The following LPIN1 variants were observed in gnomAD, a reference collection of about 807,000 sequenced individuals.
The protein encoded by LPIN1 is phosphatidate phosphatase LPIN1.
In LPIN1, 71 loss-of-function variants were observed where a neutral mutation model predicts 107.5. The observed-to-expected ratio is 0.66, with a 90% CI of 0.55 to 0.80. LPIN1 has a LOEUF of 0.80. LPIN1 is among the 30% of genes least tolerant of loss of function. The pLI, the probability that LPIN1 is intolerant of heterozygous loss-of-function variation, is 0.00. For missense variants in LPIN1, 1,043 were observed against 1,160.6 expected (o/e 0.90, Z 1.47); for synonymous variants, 445 against 452.6 (o/e 0.98, Z 0.21).
chr2:11,776,280 C>G, intron 6 of LPIN1, 87 bp downstream of exon 6: 1 of 775,038 alleles, frequency 1.3e-6, no homozygotes, highest in Non-Finnish European at 2.0e-6. Context: ...TACCATTAAC[C>G]AAATTACTTA....
intron 1 of LPIN1, among the ~76,000 whole-genome samples, chr2:11,729,371 T>C (rs1378435408): frequency 6.6e-6 from 1 of 152,228 alleles, no homozygotes; most frequent in African/African-American, 2.4e-5. Flanking sequence ...TAACACTTTA[T>C]GTAAAGGGGG....
At chr2:11,823,845 G>A (rs538030552) in intron 20 of LPIN1, among the ~76,000 whole-genome samples, 1 of 152,318 alleles carries the variant, frequency 6.6e-6, no homozygotes, top group Non-Finnish European at 1.5e-5. Context: ...GCATTGGGAA[G>A]CCCTGCTCTA....
At chr2:11,715,380 G>A (rs76379517) in intron 2 of LPIN1, among the ~76,000 whole-genome samples, 10 of 152,274 alleles carry the variant, frequency 6.6e-5, no homozygotes, top group East Asian at 1.9e-4. Flanking sequence ...AGCTCAGGAC[G>A]GGAGGCGCCA....
intron 3 of LPIN1, among the ~76,000 whole-genome samples, chr2:11,769,396 TTG>T (rs549478968): frequency 3.3e-5 from 5 of 151,446 alleles, no homozygotes; most frequent in African/African-American, 7.3e-5. Context: ...CTTTGCTAGT[TTG>T]TGTGTGTGTG....
intron 2 of LPIN1, among the ~76,000 whole-genome samples, chr2:11,718,880 G>C (rs1197961892): frequency 6.6e-6 from 1 of 152,192 alleles, no homozygotes; most frequent in Admixed American, 6.5e-5. Flanking sequence ...TATTCCGAGA[G>C]ATGAAAGGAA....
rs1370092677 is a variant in LPIN1 at position 11,735,862 on chromosome 2, T to C, written c.-71-5487T>C. Among the ~76,000 whole-genome samples the C allele has an allele frequency of 2.0e-5, 3 of 152,272 alleles. No individual in the cohort carries two copies. In the East Asian group the frequency reaches 5.8e-4, roughly 29 times the overall value. The stretch of plus-strand genomic sequence containing the variant: ...GATAAATGGTTATATCACTTAGCAC[T>C]GTAGATTTTATCTTAACTGGGTTCA... On this transcript the variant is annotated intron_variant, in intron 1 of 21. Transcript: ENST00000396097.
At chr2:11,814,068 A>C (rs1468660243) in intron 17 of LPIN1, among the ~76,000 whole-genome samples, 1 of 151,868 alleles carries the variant, frequency 6.6e-6, no homozygotes, top group African/African-American at 2.4e-5. Context: ...GGGGGTGTGG[A>C]GAAATGAGGC....
chr2:11,718,993 T>G (rs1663940597), intron 2 of LPIN1, among the ~76,000 whole-genome samples: 1 of 152,248 alleles, frequency 6.6e-6, no homozygotes, highest in African/African-American at 2.4e-5. Context: ...ATTTGGCAGA[T>G]TTTATAAATT....
chr2:11,756,077 A>T (rs549878127), intron 1 of LPIN1, among the ~76,000 whole-genome samples: 1 of 152,192 alleles, frequency 6.6e-6, no homozygotes, highest in African/African-American at 2.4e-5. Context: ...AAAGATGAAC[A>T]AAAACGGGGA....
chr2:11,706,249 C>T lies in LPIN1; in HGVS notation c.82-7507C>T, dbSNP rs138679017. On this transcript the variant is annotated intron_variant, in intron 1 of 21. Coordinates refer to the LPIN1 transcript ENST00000449576. ...AGATTGTGTTACAAAAAGAAGACTT[C>T]GGCTGCAGCAAGGCGAGTGAACTGC... 2.7e-3 allele frequency among the ~76,000 whole-genome samples: 410 copies of T among 152,316 alleles called. 1 individual carries two copies. The highest frequency in any genetic ancestry group is 9.3e-3 in the African/African-American group (388 of 41,554).
At chr2:11,756,130 G>T (rs1668650227) in intron 1 of LPIN1, among the ~76,000 whole-genome samples, 1 of 152,184 alleles carries the variant, frequency 6.6e-6, no homozygotes, top group Non-Finnish European at 1.5e-5. Flanking sequence ...ATTTGCATTT[G>T]CTCGGCCAGT....
chr2:11,729,396 A>G (rs952305859), intron 1 of LPIN1, among the ~76,000 whole-genome samples: 1 of 152,268 alleles, frequency 6.6e-6, no homozygotes, highest in Non-Finnish European at 1.5e-5. Flanking sequence ...CCTTACAATC[A>G]TATATTCCCA....
intron 1 of LPIN1, among the ~76,000 whole-genome samples, chr2:11,683,734 G>A (rs144254557): frequency 2.0e-5 from 3 of 152,334 alleles, no homozygotes; most frequent in Non-Finnish European, 2.9e-5. Flanking sequence ...CTGCCGCTCT[G>A]TTCCTCCAGG....
At chr2:11,686,199 T>G (rs1661991392) in intron 1 of LPIN1, among the ~76,000 whole-genome samples, 1 of 152,120 alleles carries the variant, frequency 6.6e-6, no homozygotes, top group Non-Finnish European at 1.5e-5. Context: ...CGTGCCTAGG[T>G]CTTTGGTGAG....
intron 1 of LPIN1, among the ~76,000 whole-genome samples, chr2:11,700,706 A>G (rs1480707408): frequency 6.6e-6 from 1 of 152,134 alleles, no homozygotes; most frequent in Non-Finnish European, 1.5e-5. Flanking sequence ...GAGCCTCAGC[A>G]TCTTCATTTC....
At chr2:11,751,096 G>A (rs781483099) in intron 1 of LPIN1, among the ~76,000 whole-genome samples, 2 of 152,174 alleles carry the variant, frequency 1.3e-5, no homozygotes, top group Non-Finnish European at 2.9e-5. Context: ...ATATTTAGAT[G>A]TCTACACCCA....
rs535218435 is a variant in LPIN1 at position 11,810,717 on chromosome 2, C to G, written c.2250-4371C>G. Among the ~76,000 whole-genome samples, 891 of 152,228 alleles carry G rather than the reference C, an allele frequency of 5.9e-3. 4 individuals are homozygous for G. The highest frequency in any genetic ancestry group is 0.01 in the Non-Finnish European group (684 of 68,008). ...GCTGTTGACTCTTAGTGGGTGGACC[C>G]GGGATGGTGCCGCATATCTGATGAG... On this transcript the variant is annotated intron_variant, in intron 17 of 20. Coordinates refer to ENST00000674199, the MANE Select transcript of LPIN1 (RefSeq NM_001349206.2).
intron 18 of LPIN1, chr2:11,816,237 A>G (rs369969110): frequency 5.3e-5 from 8 of 152,348 alleles, no homozygotes; most frequent in Admixed American, 3.9e-4. Flanking sequence ...AAAGATGTCA[A>G]ATTGAGACAT....
intron 13 of LPIN1, among the ~76,000 whole-genome samples, chr2:11,793,751 T>A (rs1358001531): frequency 1.3e-5 from 2 of 152,244 alleles, no homozygotes; most frequent in African/African-American, 4.8e-5. Context: ...TGTGAACTTT[T>A]CCTTCATAAA....
Sources: allele counts gnomAD v4.1 joint callset (sites outside exome capture counted in the v4.1 genomes callset), GRCh38; gene constraint gnomAD v4.1.1; transcripts MANE v1.5; gene names NCBI Gene and HGNC (gene_info 2026-07-23, HGNC 2026-07-21).